The following ZC3H12B variants were observed in gnomAD, a reference collection of about 807,000 sequenced individuals.
ZC3H12B encodes the protein probable ribonuclease ZC3H12B.
Under a neutral mutation model 43.9 loss-of-function variants are expected in ZC3H12B, and 7 were observed. The ratio of observed to expected loss-of-function variants is 0.16; its 90% CI spans 0.09 to 0.30. The LOEUF (loss-of-function observed/expected upper bound fraction) is 0.30. Ranked by LOEUF, ZC3H12B falls within the 10% of genes least tolerant of loss-of-function variation. ZC3H12B has a pLI of 1.00. For missense variants in ZC3H12B, 475 were observed against 670.2 expected, an observed-to-expected ratio of 0.71 and a Z score of 3.22; for synonymous variants, 222 against 241.7, an observed-to-expected ratio of 0.92 and a Z score of 0.76.
the ZC3H12B span, among the ~76,000 whole-genome samples, chrX:65,074,116 C>G: frequency 9.0e-6 from 1 of 111,611 alleles, no homozygotes; most frequent in Non-Finnish European, 1.9e-5. Flanking sequence ...TTTCTATTAT[C>G]TTTTCATATC....
exon 5 of ZC3H12B, chrX:65,502,771 G>T: frequency 8.3e-7 from 1 of 1,209,186 alleles, no homozygotes; most frequent in Non-Finnish European, 1.1e-6. Flanking sequence ...CAACCCCCCA[G>T]CCAGGCCGTG....
At chrX:65,499,665 T>G (rs1175021352) in intron 3 of ZC3H12B, among the ~76,000 whole-genome samples, 3 of 111,246 alleles carry the variant, frequency 2.7e-5, no homozygotes, top group Non-Finnish European at 3.8e-5. Flanking sequence ...AACATGTAGT[T>G]CATGGAATAA....
the ZC3H12B span, among the ~76,000 whole-genome samples, chrX:65,340,540 G>C: frequency 4.0e-4 from 45 of 111,872 alleles, no homozygotes; most frequent in Non-Finnish European, 7.3e-4. Context: ...AACAAAATTA[G>C]GGCCCAATAC....
At chrX:65,162,166 G>A in the ZC3H12B span, among the ~76,000 whole-genome samples, 1 of 111,204 alleles carries the variant, frequency 9.0e-6, no homozygotes, top group African/African-American at 3.3e-5. Context: ...CCCTTTGTGG[G>A]TAACCTGACC....
At chrX:65,051,045 G>T in the ZC3H12B span, among the ~76,000 whole-genome samples, 4 of 111,339 alleles carry the variant, frequency 3.6e-5, no homozygotes, top group African/African-American at 1.3e-4. Flanking sequence ...CTAGTTACAA[G>T]TATGTTCAGA....
chrX:65,134,286 G>T, the ZC3H12B span, among the ~76,000 whole-genome samples: 1 of 110,966 alleles, frequency 9.0e-6, no homozygotes, highest in Non-Finnish European at 1.9e-5. Flanking sequence ...GAACGTGGGT[G>T]AATGACCAAG....
At chrX:65,210,940 G>T in the ZC3H12B span, among the ~76,000 whole-genome samples, 1 of 51,517 alleles carries the variant, frequency 1.9e-5, no homozygotes, top group Non-Finnish European at 3.3e-5. Flanking sequence ...GGAGGGGGGA[G>T]GGATAGCATT....
At chrX:65,152,443 CAGAG>C in the ZC3H12B span, among the ~76,000 whole-genome samples, 4 of 111,422 alleles carry the variant, frequency 3.6e-5, no homozygotes, top group East Asian at 2.8e-4. Context: ...CAATAACAGA[CAGAG>C]AGCCAAATCA....
the ZC3H12B span, among the ~76,000 whole-genome samples, chrX:65,321,878 C>T: frequency 9.1e-6 from 1 of 110,282 alleles, no homozygotes; most frequent in African/African-American, 3.3e-5. Context: ...GCAATATCAC[C>T]GGAGGCTACT....
chrX:65,129,343 G>A, the ZC3H12B span, among the ~76,000 whole-genome samples: 1 of 109,061 alleles, frequency 9.2e-6, no homozygotes, highest in African/African-American at 3.4e-5. Context: ...CAGGCTTTGT[G>A]TGAGCAACAA....
the ZC3H12B span, among the ~76,000 whole-genome samples, chrX:65,151,468 C>T: frequency 9.0e-6 from 1 of 111,721 alleles, no homozygotes; most frequent in African/African-American, 3.2e-5. Context: ...GTGTTGTACC[C>T]ACTAATAGCA....
At chrX:65,228,913 G>A in the ZC3H12B span, among the ~76,000 whole-genome samples, 85 of 111,961 alleles carry the variant, frequency 7.6e-4, no homozygotes, top group African/African-American at 2.5e-3. Context: ...AACATTCCAT[G>A]CTCATGGGTG....
At chrX:65,425,725 GT>G (rs983610321) in intron 3 of ZC3H12B, among the ~76,000 whole-genome samples, 13 of 111,674 alleles carry the variant, frequency 1.2e-4, no homozygotes, top group African/African-American at 4.2e-4. Context: ...TAATCATGTA[GT>G]TTTTGACTTT....
At chrX:65,348,598 G>A in the ZC3H12B span, among the ~76,000 whole-genome samples, 1 of 109,419 alleles carries the variant, frequency 9.1e-6, no homozygotes, top group African/African-American at 3.3e-5. Flanking sequence ...ACCCATCAGT[G>A]TCCTGTATTC....
At chrX:65,344,687 G>A in the ZC3H12B span, among the ~76,000 whole-genome samples, 1 of 112,289 alleles carries the variant, frequency 8.9e-6, no homozygotes, top group Non-Finnish European at 1.9e-5. Context: ...GACACCAAAA[G>A]TGAATGCAAT....
chrX:65,161,695 C>T, the ZC3H12B span, among the ~76,000 whole-genome samples: 6 of 111,909 alleles, frequency 5.4e-5, no homozygotes, highest in East Asian at 1.1e-3. Flanking sequence ...CAGCACACTG[C>T]TGGGTCTTGA....
At chrX:65,243,558 T>C in the ZC3H12B span, among the ~76,000 whole-genome samples, 45 of 111,866 alleles carry the variant, frequency 4.0e-4, no homozygotes, top group Non-Finnish European at 4.3e-4. Context: ...GAAAAGAGTA[T>C]AGAAGGTCAT....
chrX:65,154,161 C>T, the ZC3H12B span, among the ~76,000 whole-genome samples: 1 of 111,354 alleles, frequency 9.0e-6, no homozygotes, highest in African/African-American at 3.3e-5. Context: ...AGCACACCAA[C>T]ATGTCACATG....
chrX:65,387,684 T>A (rs1363288631), intron 2 of ZC3H12B, among the ~76,000 whole-genome samples: 1 of 112,172 alleles, frequency 8.9e-6, no homozygotes, highest in Non-Finnish European at 1.9e-5. Flanking sequence ...CCTGTCATTA[T>A]GATGTTAGCT....
Sources: allele counts gnomAD v4.1 joint callset (sites outside exome capture counted in the v4.1 genomes callset), GRCh38; gene constraint gnomAD v4.1.1; transcripts MANE v1.5; gene names NCBI Gene and HGNC (gene_info 2026-07-23, HGNC 2026-07-21).